The following ARHGAP44 variants were observed in gnomAD, a reference collection of about 807,000 sequenced individuals.
The protein encoded by ARHGAP44 is Rho GTPase activating protein 44.
In ARHGAP44, 43 loss-of-function variants were observed where a neutral mutation model predicts 106.8. The ratio of observed to expected loss-of-function variants is 0.40; its 90% CI spans 0.32 to 0.52. The LOEUF (loss-of-function observed/expected upper bound fraction) is 0.52. Ranked by LOEUF, ARHGAP44 falls within the 20% of genes least tolerant of loss-of-function variation. The pLI, the probability that ARHGAP44 is intolerant of heterozygous loss-of-function variation, is 0.48. For synonymous variants in ARHGAP44, 439 were observed against 410.3 expected, an observed-to-expected ratio of 1.07 and a Z score of -0.85; for missense variants, 866 against 1,050.5, an observed-to-expected ratio of 0.82 and a Z score of 2.43.
chr17:12,985,174 A>G (rs1258557989), intron 20 of ARHGAP44: 3 of 422,402 alleles, frequency 7.1e-6, no homozygotes, highest in Non-Finnish European at 1.3e-5. Flanking sequence ...TGCTCTTATT[A>G]TCGGGGGTTG....
At chr17:12,911,399 G>A (rs553228070) in intron 4 of ARHGAP44, among the ~76,000 whole-genome samples, 30 of 152,124 alleles carry the variant, frequency 2.0e-4, no homozygotes, top group African/African-American at 7.0e-4. Flanking sequence ...AGTTTTGTGA[G>A]CTGTAAAGCA....
intron 3 of ARHGAP44, among the ~76,000 whole-genome samples, chr17:12,900,287 G>A (rs2037336471): frequency 1.3e-5 from 2 of 151,772 alleles, no homozygotes; most frequent in Admixed American, 6.6e-5. Context: ...CCACCTCCAC[G>A]CCCAGATAAT....
chr17:12,928,006 C>T (rs980529151), intron 6 of ARHGAP44, among the ~76,000 whole-genome samples: 2 of 152,080 alleles, frequency 1.3e-5, no homozygotes, highest in African/African-American at 4.8e-5. Context: ...CTGCTGAGAC[C>T]TAATTCAGCT....
chr17:12,987,446 C>A, intron 20 of ARHGAP44: 1 of 339,076 alleles, frequency 2.9e-6, no homozygotes, highest in Non-Finnish European at 5.5e-6. Flanking sequence ...CCTCCCCCTC[C>A]GCCCTCCCTC....
chr17:12,849,212 G>GGTGTGT (rs2035663957), intron 1 of ARHGAP44, among the ~76,000 whole-genome samples: 1 of 131,980 alleles, frequency 7.6e-6, no homozygotes, highest in East Asian at 2.6e-4. Context: ...AACTGAGGTG[G>GGTGTGT]GCGTGTGTGT....
chr17:12,911,920 C>CTAAA (rs1452235001), intron 4 of ARHGAP44, among the ~76,000 whole-genome samples: 13 of 152,308 alleles, frequency 8.5e-5, no homozygotes, highest in South Asian at 2.1e-4. Context: ...AAGGAAGGAC[C>CTAAA]TAAAGATCTG....
intron 7 of ARHGAP44, among the ~76,000 whole-genome samples, chr17:12,931,841 TACAC>T (rs10522083): frequency 0.18 from 25,933 of 146,226 alleles, 2,713 homozygotes; most frequent in East Asian, 0.43. Context: ...ACAGTAGGGA[TACAC>T]ACACACACAC....
At chr17:12,987,375 G>A in intron 20 of ARHGAP44, 1 of 461,812 alleles carries the variant, frequency 2.2e-6, no homozygotes, top group Non-Finnish European at 3.9e-6. Context: ...GAGGAGCTGG[G>A]GGAGAACCCA....
At position 12,974,057 on chromosome 17, in the gene ARHGAP44, TG is replaced by T. The variant is rs1438499180; in HGVS notation, c.1542-29del. On this transcript the variant is annotated intron_variant, in intron 17 of 20. Transcript: ENST00000379672. The stretch of plus-strand genomic sequence containing the variant: ...CCTGTCTCCTGTCATCTGTTACGCG[TG>T]GGTAAGCGGTGTCTTTGTGTCCCTC... 3 of 1,546,112 alleles carry T rather than the reference TG, an allele frequency of 1.9e-6. No homozygotes were observed. In the South Asian group the frequency reaches 3.6e-5, roughly 18 times the overall value.
intron 16 of ARHGAP44, among the ~76,000 whole-genome samples, chr17:12,960,372 C>T (rs1275109408): frequency 6.6e-6 from 1 of 152,046 alleles, no homozygotes; most frequent in Non-Finnish European, 1.5e-5. Flanking sequence ...TCGAGACCAG[C>T]CTGACCAACA....
At chr17:12,833,742 A>G (rs1420102590) in intron 1 of ARHGAP44, among the ~76,000 whole-genome samples, 1 of 152,216 alleles carries the variant, frequency 6.6e-6, no homozygotes, top group African/African-American at 2.4e-5. Context: ...TGTAAGGTAT[A>G]CATTGGTCTG....
chr17:12,961,313 T>A (rs940986560), intron 16 of ARHGAP44, among the ~76,000 whole-genome samples: 1 of 152,254 alleles, frequency 6.6e-6, no homozygotes, highest in African/African-American at 2.4e-5. Context: ...ATTTTCTAAA[T>A]GATATGTCCA....
chr17:12,900,540 A>G (rs2037344585), intron 3 of ARHGAP44, among the ~76,000 whole-genome samples: 1 of 152,200 alleles, frequency 6.6e-6, no homozygotes. Flanking sequence ...CTCATTAGGA[A>G]GTCATACCCA....
chr17:12,955,551 A>C (rs918284016), intron 13 of ARHGAP44, among the ~76,000 whole-genome samples: 30 of 152,172 alleles, frequency 2.0e-4, no homozygotes, highest in African/African-American at 6.8e-4. Flanking sequence ...CATGGCAAGA[A>C]GTAATGGGGT....
intron 1 of ARHGAP44, among the ~76,000 whole-genome samples, chr17:12,856,664 A>T (rs1263971433): frequency 7.9e-5 from 12 of 152,106 alleles, no homozygotes; most frequent in Admixed American, 7.9e-4. Context: ...CTGGGTTCCT[A>T]ATCTGCTTCT....
intron 1 of ARHGAP44, among the ~76,000 whole-genome samples, chr17:12,859,082 G>C (rs2035992475): frequency 6.6e-6 from 1 of 152,182 alleles, no homozygotes; most frequent in African/African-American, 2.4e-5. Flanking sequence ...TGGGGACACA[G>C]CCAGACCATA....
intron 4 of ARHGAP44, among the ~76,000 whole-genome samples, chr17:12,909,497 A>G (rs1225900372): frequency 6.6e-6 from 1 of 152,204 alleles, no homozygotes; most frequent in African/African-American, 2.4e-5. Flanking sequence ...TTAAAAAAGA[A>G]TAGGCGGGAT....
Position 12,789,800 on chromosome 17 carries a change from CT to C in ARHGAP44, c.-37del, listed in dbSNP as rs747093755. On this transcript the variant is annotated 5_prime_UTR_variant, in exon 1 of 21. Transcript: ENST00000379672. The stretch of plus-strand genomic sequence containing the variant: ...GCGGCGGGCTCCGGGCTGCTCCGTC[CT>C]TCCCCAGCTCCCGGGCTAGCGCGGC... 6.7e-7 allele frequency: 1 copy of C among 1,490,150 alleles called. No homozygotes were observed. Among genetic ancestry groups the C allele is most frequent in the East Asian group, 3.0e-5 (1 of 33,754 alleles). 92.3% of individuals were successfully genotyped at this position (1,490,150 alleles called of 1,614,324 possible). A position where few individuals can be genotyped will look rare whatever the true frequency, so the allele number is the denominator to read the frequency against.
At chr17:12,981,043 CTCTT>C (rs1484641449) in intron 19 of ARHGAP44, 1 of 152,194 alleles carries the variant, frequency 6.6e-6, no homozygotes, top group Non-Finnish European at 1.5e-5. Context: ...CAGTTTCATT[CTCTT>C]TGTCTGCCCT....
Sources: gnomAD v4.1 joint callset for allele counts (sites outside exome capture counted in the v4.1 genomes callset) on GRCh38, gnomAD v4.1.1 for gene constraint, MANE v1.5 for transcripts, NCBI Gene and HGNC (gene_info 2026-07-23, HGNC 2026-07-21) for gene names.